The following GCNT2 variants were observed in gnomAD, a reference collection of about 807,000 sequenced individuals.
GCNT2 encodes the protein glucosaminyl (N-acetyl) transferase 2 (I blood group), also known as N-acetyllactosaminide beta-1,6-N-acetylglucosaminyl-transferase.
A neutral mutation model predicts 34.2 loss-of-function variants in GCNT2; 34 were observed. That is an observed-to-expected ratio of 1.00 (90% CI 0.76 to 1.32). GCNT2 has a LOEUF of 1.32. Ranked by LOEUF, GCNT2 falls within the 40% of genes most tolerant of loss-of-function variation. The pLI, the probability that GCNT2 is intolerant of heterozygous loss-of-function variation, is 0.00. For missense variants in GCNT2, 584 were observed against 489.4 expected, an observed-to-expected ratio of 1.19 and a Z score of -1.82; for synonymous variants, 212 against 188.0, an observed-to-expected ratio of 1.13 and a Z score of -1.04.
intron 3 of GCNT2, among the ~76,000 whole-genome samples, chr6:10,591,540 G>GC (rs1764641488): frequency 3.3e-5 from 5 of 152,306 alleles, no homozygotes; most frequent in Admixed American, 3.3e-4. Context: ...GCCAACCTGG[G>GC]CCCATGATGC....
At position 10,529,817 on chromosome 6, in the gene GCNT2, G is replaced by A. The variant is rs1488813728; in HGVS notation, c.906G>A (p.Val302=). ...ACAGCCCCGACGAACATTTCTGGGT[G>A]ACACTCAACAGGATTCCCGGTATGT... ...DTYSPDEHFW[V]TLNRIPGVPG... is the part of the protein sequence containing the mutation. Residue 302 remains valine (V), a synonymous_variant, in exon 3 of 5, where the codon GTG becomes GTA. Transcript: ENST00000495262. 6.2e-7 allele frequency: 1 copy of A among 1,613,604 alleles called. No individual in the cohort carries two copies. The highest frequency in any genetic ancestry group is 8.5e-7 in the Non-Finnish European group (1 of 1,179,602).
intron 3 of GCNT2, among the ~76,000 whole-genome samples, chr6:10,539,737 CAAAA>C (rs1761953415): frequency 6.6e-6 from 1 of 152,122 alleles, no homozygotes; most frequent in Non-Finnish European, 1.5e-5. Flanking sequence ...AAACAAAAAA[CAAAA>C]CCTTCTAACA....
chr6:10,578,195 A>G (rs1763906742), intron 3 of GCNT2, among the ~76,000 whole-genome samples: 1 of 151,838 alleles, frequency 6.6e-6, no homozygotes, highest in Non-Finnish European at 1.5e-5. Flanking sequence ...GTTCGAGACC[A>G]GCCTAGCCAA....
intron 3 of GCNT2, among the ~76,000 whole-genome samples, chr6:10,590,416 C>T (rs564551487): frequency 1.5e-4 from 22 of 149,476 alleles, no homozygotes; most frequent in African/African-American, 5.4e-4. Context: ...AAAAAAAATG[C>T]TAGGCTTAAG....
At chr6:10,585,990 A>C (rs1381829005) in intron 3 of GCNT2, 1 of 1,614,022 alleles carries the variant, frequency 6.2e-7, no homozygotes, top group Non-Finnish European at 8.5e-7. Flanking sequence ...AGTGAAAATA[A>C]TGAACTTTTG....
chr6:10,558,790 T>C (rs1293272983), intron 3 of GCNT2, among the ~76,000 whole-genome samples: 6 of 152,232 alleles, frequency 3.9e-5, no homozygotes, highest in Admixed American at 1.3e-4. Flanking sequence ...AGGGTGACTT[T>C]CCTGGTGAAT....
chr6:10,565,895 C>T (rs1010911527), intron 3 of GCNT2, among the ~76,000 whole-genome samples: 1 of 152,228 alleles, frequency 6.6e-6, no homozygotes, highest in South Asian at 2.1e-4. Context: ...TTGTAACATG[C>T]ACCCATGATC....
intron 3 of GCNT2, among the ~76,000 whole-genome samples, chr6:10,536,415 G>C (rs1761754847): frequency 6.6e-6 from 1 of 151,780 alleles, no homozygotes; most frequent in African/African-American, 2.4e-5. Context: ...GAGTGCAGTG[G>C]CGTGATCTCA....
chr6:10,572,543 C>T (rs543229793), intron 3 of GCNT2, among the ~76,000 whole-genome samples: 1 of 152,122 alleles, frequency 6.6e-6, no homozygotes, highest in Non-Finnish European at 1.5e-5. Flanking sequence ...CCATCCTGGC[C>T]AACATGGTGA....
chr6:10,604,879 G>GGA (rs1765242848), intron 3 of GCNT2, among the ~76,000 whole-genome samples: 1 of 148,650 alleles, frequency 6.7e-6, no homozygotes, highest in African/African-American at 2.5e-5. Context: ...AAAAGAAAAA[G>GGA]AAAGAAAAAT....
chr6:10,529,818 A>G lies in GCNT2; in HGVS notation c.907A>G (p.Thr303Ala), dbSNP rs1761394543. 3.7e-6 allele frequency: 6 copies of G among 1,613,562 alleles called. No individual in the cohort carries two copies. The highest frequency in any genetic ancestry group is 5.1e-6 in the Non-Finnish European group (6 of 1,179,584). Reference protein sequence around the residue: ...TYSPDEHFWVTLNRIPGVPGS... With the variant: ...TYSPDEHFWVALNRIPGVPGS... ...CAGCCCCGACGAACATTTCTGGGTG[A>G]CACTCAACAGGATTCCCGGTATGTA... The change falls in exon 3 of 5, where the codon ACA becomes GCA. Residue 303 changes from threonine to alanine, a missense_variant. Physicochemically the swap from Thr to Ala is moderately conservative, Grantham distance 58. Transcript: ENST00000495262.
intron 3 of GCNT2, among the ~76,000 whole-genome samples, chr6:10,582,811 A>T (rs1764182006): frequency 6.6e-6 from 1 of 151,084 alleles, no homozygotes; most frequent in Admixed American, 6.6e-5. Flanking sequence ...GAGAAACAAC[A>T]ACAACAACAA....
chr6:10,582,206 TTTA>T lies in GCNT2; in HGVS notation c.926-39140_926-39138del, dbSNP rs1398964713. Reference sequence around the variant, plus strand: ...ATATATTTTTATATAATATATAAAATTTATTATATATATAATTATATATATTTA... The same window carrying T: ...ATATATTTTTATATAATATATAAAATTTATATATATAATTATATATATTTA... On this transcript the variant is annotated intron_variant, in intron 3 of 4. Coordinates refer to ENST00000495262, the MANE Select transcript of GCNT2 (RefSeq NM_145649.5). Among the ~76,000 whole-genome samples the T allele has an allele frequency of 3.5e-3, 409 of 116,486 alleles. 4 individuals carry two copies. The highest frequency in any genetic ancestry group is 0.012 in the African/African-American group (387 of 32,106). 76.4% of individuals were successfully genotyped at this position (116,486 alleles called of 152,430 possible).
chr6:10,579,127 T>A (rs1238294251), intron 3 of GCNT2, among the ~76,000 whole-genome samples: 1 of 152,232 alleles, frequency 6.6e-6, no homozygotes, highest in Non-Finnish European at 1.5e-5. Context: ...TGCTTTGTGA[T>A]TGTCATGTAC....
At chr6:10,586,947 T>G (rs1306826387) in intron 3 of GCNT2, 7 of 1,461,018 alleles carry the variant, frequency 4.8e-6, no homozygotes, top group Non-Finnish European at 6.7e-6. Context: ...ATTGATAGAT[T>G]GAGTTTGCTA....
intron 3 of GCNT2, among the ~76,000 whole-genome samples, chr6:10,601,940 C>CA (rs1554136367): frequency 4.8e-5 from 3 of 62,602 alleles, no homozygotes; most frequent in African/African-American, 1.9e-4. Context: ...GACTCCATCT[C>CA]AAGAAAAAAA....
intron 3 of GCNT2, chr6:10,587,029 T>C: frequency 2.5e-6 from 2 of 794,654 alleles, no homozygotes; most frequent in Non-Finnish European, 4.2e-6. Flanking sequence ...TAGAAAACTA[T>C]TAGTTTGGTT....
intron 3 of GCNT2, among the ~76,000 whole-genome samples, chr6:10,541,104 C>T (rs1044319259): frequency 4.6e-5 from 7 of 152,142 alleles, no homozygotes; most frequent in Admixed American, 3.9e-4. Context: ...CCGCACAGAT[C>T]ATCCCATCAC....
At position 10,554,860 on chromosome 6, in the gene GCNT2, AAAT is replaced by A. The variant is rs1762624363; in HGVS notation, c.925+25028_925+25030del. 6.6e-5 allele frequency among the ~76,000 whole-genome samples: 10 copies of A among 152,138 alleles called. No individual in the cohort carries two copies. In the South Asian group the frequency reaches 2.1e-3, roughly 32 times the overall value. On this transcript the variant is annotated intron_variant, in intron 3 of 4. Transcript: ENST00000495262. ...GGAGACTTTGGTAAGGGAGAGAGAA[AAAT>A]AATGTACAAGCTGGAAACGCATGAA...
Sources: gnomAD v4.1 joint callset for allele counts (sites outside exome capture counted in the v4.1 genomes callset) on GRCh38, gnomAD v4.1.1 for gene constraint, MANE v1.5 for transcripts, NCBI Gene and HGNC (gene_info 2026-07-23, HGNC 2026-07-21) for gene names.